FGF1: variants seen among roughly 807,000 people sequenced by gnomAD.
The protein encoded by FGF1 is fibroblast growth factor 1, also known as beta-endothelial cell growth factor.
Under a neutral mutation model 13.4 loss-of-function variants are expected in FGF1, and 9 were observed. That is an observed-to-expected ratio of 0.67 (90% CI 0.40 to 1.17). The LOEUF (loss-of-function observed/expected upper bound fraction) is 1.17. FGF1 is among the 50% of genes most tolerant of loss of function. The pLI is 0.01. For missense variants in FGF1, 156 were observed against 192.7 expected, an observed-to-expected ratio of 0.81 and a Z score of 1.13; for synonymous variants, 93 against 79.0, an observed-to-expected ratio of 1.18 and a Z score of -0.94.
At chr5:142,597,959 GCTT>G (rs1470437681) in intron 3 of FGF1, among the ~76,000 whole-genome samples, 1 of 152,158 alleles carries the variant, frequency 6.6e-6, no homozygotes, top group Non-Finnish European at 1.5e-5. Context: ...GAAGTATCCT[GCTT>G]CTTATTCATT....
At chr5:142,647,088 G>C (rs530766178) in intron 1 of FGF1, among the ~76,000 whole-genome samples, 1 of 152,160 alleles carries the variant, frequency 6.6e-6, no homozygotes, top group Non-Finnish European at 1.5e-5. Flanking sequence ...GGGAGGGGAA[G>C]GGTGGCAGAG....
intron 1 of FGF1, among the ~76,000 whole-genome samples, chr5:142,642,680 G>A (rs1183586858): frequency 6.6e-6 from 1 of 152,224 alleles, no homozygotes; most frequent in Non-Finnish European, 1.5e-5. Context: ...TCCCAGAGGA[G>A]ACGCTCACTG....
At chr5:142,645,269 G>T (rs1481911537) in intron 1 of FGF1, among the ~76,000 whole-genome samples, 1 of 152,204 alleles carries the variant, frequency 6.6e-6, no homozygotes, top group Admixed American at 6.5e-5. Flanking sequence ...CACAGCCCTG[G>T]CAGACGGCTC....
At position 142,595,425 on chromosome 5, in the gene FGF1, G is replaced by A. The variant is rs149033545; in HGVS notation, c.333C>T (p.Thr111=). Residue 111 remains threonine, a synonymous_variant, in exon 4 of 4, where the codon ACC becomes ACT. Transcript: ENST00000337706. ...TCTCTGCATGCTTCTTGGATATATA[G>A]GTGTTGTAATGGTTCTCCTCCAGCC... The part of the protein sequence containing the change: ...LERLEENHYN[T]YISKKHAEKN... 6.2e-7 allele frequency: 1 copy of A among 1,613,964 alleles called. No individual in the cohort carries two copies. The highest frequency in any genetic ancestry group is 1.7e-5 in the Admixed American group (1 of 60,002).
chr5:142,625,551 C>T (rs928630486), intron 1 of FGF1, among the ~76,000 whole-genome samples: 7 of 152,122 alleles, frequency 4.6e-5, no homozygotes, highest in African/African-American at 1.7e-4. Flanking sequence ...TGTGCTCTGC[C>T]GGCCCCCATT....
chr5:142,599,862 C>A (rs1167747805), intron 3 of FGF1, among the ~76,000 whole-genome samples: 1 of 152,208 alleles, frequency 6.6e-6, no homozygotes, highest in East Asian at 1.9e-4. Context: ...CATCCTCACA[C>A]CCTTTCAGTA....
intron 1 of FGF1, among the ~76,000 whole-genome samples, chr5:142,665,860 G>A (rs1770209615): frequency 2.6e-5 from 4 of 152,126 alleles, no homozygotes; most frequent in South Asian, 2.1e-4. Flanking sequence ...GTAGTCAAGC[G>A]TTGCCTGTTC....
Position 142,614,164 on chromosome 5 carries a change from G to C in FGF1, c.-34-3C>G. On this transcript the variant is annotated splice_polypyrimidine_tract_variant and splice_region_variant and intron_variant, in intron 1 of 3. Transcript: ENST00000337706. ...TGCTGCTTGTGGCGCTTTCAAGACT[G>C]TAAGAAATTGAACAAACCTGTAGTC... 6.2e-7 allele frequency: 1 copy of C among 1,610,106 alleles called. No individual in the cohort carries two copies. The highest frequency in any genetic ancestry group is 8.5e-7 in the Non-Finnish European group (1 of 1,177,320).
At chr5:142,670,752 G>A (rs770093221) in intron 1 of FGF1, among the ~76,000 whole-genome samples, 1 of 152,188 alleles carries the variant, frequency 6.6e-6, no homozygotes, top group East Asian at 1.9e-4. Context: ...CAGTTATTTG[G>A]ACTTCAGGGG....
At chr5:142,671,358 G>A (rs1037653475) in intron 1 of FGF1, among the ~76,000 whole-genome samples, 5 of 152,184 alleles carry the variant, frequency 3.3e-5, no homozygotes, top group African/African-American at 1.2e-4. Context: ...ATATAAAACT[G>A]AGAGCAACTT....
intron 1 of FGF1, among the ~76,000 whole-genome samples, chr5:142,680,406 AAGGAGCGTGGTACTGAC>A (rs1216170484): frequency 6.6e-6 from 1 of 152,194 alleles, no homozygotes; most frequent in African/African-American, 2.4e-5. Flanking sequence ...AAGAATGAGA[AAGGAGCGTGGTACTGAC>A]AGGAGCTAAA....
rs1202362613 is a variant in FGF1, at chr5:142,695,581, C to CAAAAAAAAAAAAA, written c.-35+2040_-35+2041insTTTTTTTTTTTTT. 6.0e-5 allele frequency among the ~76,000 whole-genome samples: 7 copies of CAAAAAAAAAAAAA among 117,286 alleles called. 1 individual carries two copies. The highest frequency in any genetic ancestry group is 2.2e-4 in the African/African-American group (6 of 27,592). The allele number at this position is 117,286 out of a possible 152,430, so 76.9% of individuals were successfully genotyped here. A position where few individuals can be genotyped will look rare whatever the true frequency, so the allele number is the denominator to read the frequency against. On this transcript the variant is annotated intron_variant, in intron 2 of 4. Coordinates refer to the FGF1 transcript ENST00000407758. ...TGGGTGACAGAGCAAGACTCTGTATCAAAAAGAAAAAAAAAAAAAGAAAGA... is the reference window on the plus strand; with the variant it reads ...TGGGTGACAGAGCAAGACTCTGTATCAAAAAAAAAAAAAAAAAAGAAAAAAAAAAAAAGAAAGA...
At chr5:142,599,421 G>A (rs1330993700) in intron 3 of FGF1, among the ~76,000 whole-genome samples, 4 of 152,136 alleles carry the variant, frequency 2.6e-5, no homozygotes, top group Non-Finnish European at 4.4e-5. Context: ...TTCAAGAGAG[G>A]GTTTCTGTGC....
At chr5:142,619,185 C>T (rs1760969002) in intron 1 of FGF1, among the ~76,000 whole-genome samples, 1 of 152,280 alleles carries the variant, frequency 6.6e-6, no homozygotes, top group East Asian at 1.9e-4. Context: ...CCACCCGCCT[C>T]AGCCTCCCAA....
At position 142,660,538 on chromosome 5, in the gene FGF1, T is replaced by C. The variant is rs377567496; in HGVS notation, c.-35+25419A>G. Among the ~76,000 whole-genome samples the C allele has an allele frequency of 5.1e-4, 77 of 152,308 alleles. 1 individual carries two copies. The highest frequency in any genetic ancestry group is 1.8e-3 in the African/African-American group (75 of 41,560). ...CCCACAATGGCCTCTGGCTCTCGTC[T>C]CAGCATCTATATCACGCAGGAGCAG... On this transcript the variant is annotated intron_variant, in intron 1 of 3. Coordinates refer to ENST00000337706, the MANE Select transcript of FGF1 (RefSeq NM_000800.5).
chr5:142,642,121 T>C (rs955944515), intron 1 of FGF1, among the ~76,000 whole-genome samples: 2 of 152,224 alleles, frequency 1.3e-5, no homozygotes, highest in African/African-American at 4.8e-5. Flanking sequence ...AACCCTCTTC[T>C]AGGAGGAGCA....
At chr5:142,628,847 T>C (rs1762878505) in intron 1 of FGF1, among the ~76,000 whole-genome samples, 1 of 152,226 alleles carries the variant, frequency 6.6e-6, no homozygotes, top group Admixed American at 6.5e-5. Context: ...TCAGAGTGAC[T>C]TCTTGCTTCT....
At chr5:142,602,569 C>T (rs1282061872) in intron 2 of FGF1, among the ~76,000 whole-genome samples, 1 of 152,144 alleles carries the variant, frequency 6.6e-6, no homozygotes, top group Non-Finnish European at 1.5e-5. Flanking sequence ...TTCTGGAGTG[C>T]ACATCTCCTG....
intron 1 of FGF1, among the ~76,000 whole-genome samples, chr5:142,666,552 C>A (rs1597390228): frequency 1.3e-5 from 2 of 149,586 alleles, no homozygotes; most frequent in Admixed American, 6.7e-5. Flanking sequence ...ACAAAAAAAA[C>A]CGTAGCATTT....
Sources: allele counts gnomAD v4.1 joint callset (sites outside exome capture counted in the v4.1 genomes callset), GRCh38; gene constraint gnomAD v4.1.1; transcripts MANE v1.5; gene names NCBI Gene and HGNC (gene_info 2026-07-23, HGNC 2026-07-21).